The following TPO variants were observed in gnomAD, a reference collection of about 807,000 sequenced individuals.
TPO encodes the protein thyroid microsomal antigen.
A neutral mutation model predicts 96.9 loss-of-function variants in TPO; 78 were observed. That is an observed-to-expected ratio of 0.81 (90% CI 0.67 to 0.97). The LOEUF (loss-of-function observed/expected upper bound fraction) is 0.97, where lower values mean the gene tolerates loss of function less well. Among genes scored for constraint, TPO ranks in the 50% least tolerant of loss-of-function variants. The probability of loss-of-function intolerance (pLI) is 0.00; values close to 1 mark genes in which losing one functional copy is unlikely to be tolerated. For missense variants in TPO, 1,252 were observed against 1,274.8 expected, an observed-to-expected ratio of 0.98 and a Z score of 0.27; for synonymous variants, 547 against 538.0, an observed-to-expected ratio of 1.02 and a Z score of -0.23.
intron 7 of TPO, among the ~76,000 whole-genome samples, chr2:1,475,524 C>T (rs1212118675): frequency 1.3e-5 from 2 of 152,040 alleles, no homozygotes; most frequent in Admixed American, 1.3e-4. Context: ...CCCAGGTTCA[C>T]GCCATTCTCC....
intron 2 of TPO, among the ~76,000 whole-genome samples, chr2:1,418,432 GGA>G (rs1219922800): frequency 6.6e-6 from 1 of 152,202 alleles, no homozygotes; most frequent in Non-Finnish European, 1.5e-5. Context: ...GGTGGGTGCA[GGA>G]GAGACTCTTG....
chr2:1,379,636 G>A (rs1464645071), intron 1 of TPO, among the ~76,000 whole-genome samples: 1 of 152,178 alleles, frequency 6.6e-6, no homozygotes. Flanking sequence ...ATAGCTCACA[G>A]CCTTCCATCT....
At chr2:1,392,499 C>T (rs969478413) in intron 1 of TPO, among the ~76,000 whole-genome samples, 1 of 152,170 alleles carries the variant, frequency 6.6e-6, no homozygotes, top group Non-Finnish European at 1.5e-5. Flanking sequence ...GCTTTGGGAT[C>T]AGGATGATGT....
chr2:1,505,963 T>G (rs1213483250), intron 14 of TPO, among the ~76,000 whole-genome samples: 1 of 151,286 alleles, frequency 6.6e-6, no homozygotes, highest in East Asian at 1.9e-4. Flanking sequence ...CTGCACCCAT[T>G]AACTCGTCAT....
rs1670073662 is a variant in TPO, at chr2:1,477,424, C to T, written c.1158C>T (p.Arg386=). Residue 386 remains arginine (R), a synonymous_variant, in exon 8 of 17, where the codon CGC becomes CGT. Transcript: ENST00000329066. ...APEPGIPGET[R]GPCFLAGDGR... is the part of the protein sequence containing the mutation. ...AGCCCGGCATCCCCGGAGAGACCCG[C>T]GGGCCCTGCTTCCTGGCCGGAGACG... 2 of 1,523,964 alleles carry T rather than the reference C, an allele frequency of 1.3e-6. No homozygotes were observed. The highest frequency in any genetic ancestry group is 8.8e-7 in the Non-Finnish European group (1 of 1,139,672). 94.4% of individuals were successfully genotyped at this position (1,523,964 alleles called of 1,614,324 possible). A position where few individuals can be genotyped will look rare whatever the true frequency, so the allele number is the denominator to read the frequency against.
At chr2:1,412,341 C>G (rs1662429953), upstream of TPO, among the ~76,000 whole-genome samples, 1 of 152,168 alleles carries the variant, frequency 6.6e-6, no homozygotes, top group Admixed American at 6.5e-5. Flanking sequence ...CCATGGAATC[C>G]TCTTTAATGA....
chr2:1,487,722 G>A lies in TPO; in HGVS notation c.1598-99G>A. 2.0e-6 allele frequency: 3 copies of A among 1,478,536 alleles called. No individual in the cohort carries two copies. The South Asian group carries it at 3.6e-5, about 18-fold the overall frequency. 91.6% of individuals were successfully genotyped at this position (1,478,536 alleles called of 1,614,324 possible). ...TGCACTCCAGCCTGGGCAACAGAAA[G>A]AATGAGACTCCGTCTCAAAAAAAAA... On this transcript the variant is annotated intron_variant, in intron 9 of 16. Transcript: ENST00000329066.
chr2:1,414,989 G>A (rs1207344235), intron 2 of TPO, among the ~76,000 whole-genome samples: 2 of 147,580 alleles, frequency 1.4e-5, no homozygotes, highest in African/African-American at 5.4e-5. Flanking sequence ...AGTGAATACT[G>A]CAGGGGCATT....
intron 1 of TPO, among the ~76,000 whole-genome samples, chr2:1,397,106 A>G (rs565152435): frequency 6.6e-6 from 1 of 152,318 alleles, no homozygotes; most frequent in East Asian, 1.9e-4. Flanking sequence ...GGTGCCTCAT[A>G]AAGATGCCGT....
chr2:1,533,847 C>T (rs1315294535), intron 15 of TPO, among the ~76,000 whole-genome samples: 1 of 94,046 alleles, frequency 1.1e-5, no homozygotes, highest in Non-Finnish European at 2.3e-5. Flanking sequence ...TCAAATGCCC[C>T]TAGCTTTGTG....
At chr2:1,398,994 C>T (rs764221909) in intron 1 of TPO, among the ~76,000 whole-genome samples, 14 of 152,242 alleles carry the variant, frequency 9.2e-5, no homozygotes, top group Admixed American at 2.0e-4. Context: ...CTGCAAGCCA[C>T]GCTCACATTC....
chr2:1,448,613 C>T (rs1466340651), intron 5 of TPO, among the ~76,000 whole-genome samples: 3 of 152,224 alleles, frequency 2.0e-5, no homozygotes, highest in Non-Finnish European at 4.4e-5. Context: ...GACCTCTTGG[C>T]TCCTGGCCAT....
chr2:1,523,104 G>A (rs528770933), intron 15 of TPO, among the ~76,000 whole-genome samples: 5 of 85,506 alleles, frequency 5.8e-5, no homozygotes, highest in South Asian at 7.9e-4. Context: ...CAAATCCTGC[G>A]CACTCTGTGC....
chr2:1,537,787 C>A (rs1309704842), intron 15 of TPO, among the ~76,000 whole-genome samples: 4 of 135,118 alleles, frequency 3.0e-5, no homozygotes, highest in African/African-American at 1.2e-4. Context: ...CCCAAATCCC[C>A]CCATTGTGAG....
At chr2:1,438,726 C>G in intron 5 of TPO, 1 of 690,530 alleles carries the variant, frequency 1.4e-6, no homozygotes, top group South Asian at 1.5e-5. Flanking sequence ...GTAGGCCTCA[C>G]ACATGATCTA....
chr2:1,382,414 C>A (rs1461466747), intron 1 of TPO, among the ~76,000 whole-genome samples: 1 of 152,210 alleles, frequency 6.6e-6, no homozygotes, highest in Non-Finnish European at 1.5e-5. Context: ...GGGGCGCACA[C>A]CCCTCTTGCC....
intron 5 of TPO, among the ~76,000 whole-genome samples, 169 bp from the exon 6 acceptor site, chr2:1,453,525 A>G (rs1314619217): frequency 6.6e-6 from 1 of 152,178 alleles, no homozygotes; most frequent in Non-Finnish European, 1.5e-5. Context: ...GAAGCCAGTC[A>G]TGACCTGGGC....
chr2:1,509,655 C>A (rs1265082786), intron 14 of TPO, among the ~76,000 whole-genome samples: 1 of 150,130 alleles, frequency 6.7e-6, no homozygotes, highest in East Asian at 2.0e-4. Context: ...TCAGGCACAC[C>A]CCACCCTCTT....
At chr2:1,477,956 C>T in intron 8 of TPO, 3 of 985,382 alleles carry the variant, frequency 3.0e-6, no homozygotes, top group Non-Finnish European at 3.6e-6. Context: ...AGCCAGACCA[C>T]CCAGGTTTCC....
Sources: allele counts gnomAD v4.1 joint callset (sites outside exome capture counted in the v4.1 genomes callset), GRCh38; gene constraint gnomAD v4.1.1; transcripts MANE v1.5; gene names NCBI Gene and HGNC (gene_info 2026-07-23, HGNC 2026-07-21).